The following SH2D4B variants were observed in gnomAD, a reference collection of about 807,000 sequenced individuals.
The protein encoded by SH2D4B is SH2 domain-containing protein 4B.
SH2D4B carries 45 observed loss-of-function variants against 61.5 expected under a neutral mutation model. That is an observed-to-expected ratio of 0.73 (90% CI 0.58 to 0.94). The LOEUF is 0.94. Among genes scored for constraint, SH2D4B ranks in the 40% least tolerant of loss-of-function variants. The pLI is 0.00. For synonymous variants in SH2D4B, 224 were observed against 220.4 expected (o/e 1.02, Z -0.14); for missense variants, 572 against 574.2 (o/e 1.00, Z 0.04).
Position 80,568,679 on chromosome 10 carries a change from G to A in SH2D4B, c.185-1475G>A, listed in dbSNP as rs1162843065. On this transcript the variant is annotated intron_variant, in intron 1 of 7. Transcript: ENST00000646907. Reference sequence around the variant, plus strand: ...CTTTAAAAATCCCATCTCTTGCAATGTCGGTCCTGGTATATGAAGAGATGC... The same window carrying A: ...CTTTAAAAATCCCATCTCTTGCAATATCGGTCCTGGTATATGAAGAGATGC... Among the ~76,000 whole-genome samples, 3 of 152,214 alleles carry A rather than the reference G, an allele frequency of 2.0e-5. No homozygotes were observed. The East Asian group carries it at 5.8e-4, about 29-fold the overall frequency.
intron 6 of SH2D4B, among the ~76,000 whole-genome samples, chr10:80,611,556 G>C (rs11186273): frequency 6.6e-6 from 1 of 151,894 alleles, no homozygotes; most frequent in Non-Finnish European, 1.5e-5. Context: ...ATGTGTCCCT[G>C]TAGCCCCGGT....
chr10:80,633,130 G>A (rs942538946), intron 6 of SH2D4B, among the ~76,000 whole-genome samples: 7 of 151,760 alleles, frequency 4.6e-5, no homozygotes, highest in Non-Finnish European at 1.0e-4. Context: ...CGGCTCGCTC[G>A]GGAGTGGCTT....
chr10:80,640,840 G>A (rs1291647936), intron 7 of SH2D4B, among the ~76,000 whole-genome samples: 1 of 152,186 alleles, frequency 6.6e-6, no homozygotes, highest in East Asian at 1.9e-4. Flanking sequence ...TTGCTGCTGA[G>A]GAGCTGCGAT....
chr10:80,604,650 C>A (rs752045475), intron 5 of SH2D4B, among the ~76,000 whole-genome samples: 13 of 152,120 alleles, frequency 8.5e-5, no homozygotes, highest in Non-Finnish European at 7.3e-5. Flanking sequence ...TTCCCCTCCC[C>A]CCTTCCCACC....
At position 80,643,402 on chromosome 10, in the gene SH2D4B, C is replaced by T. The variant is rs183975189; in HGVS notation, c.1210-591C>T. On this transcript the variant is annotated intron_variant, in intron 7 of 7. Coordinates refer to ENST00000646907, the MANE Select transcript of SH2D4B (RefSeq NM_001388272.1). ...TCATTTCTATTGTTGAGTTCAGCCTCTTTCTTTTATGGTTATAATTTTGCT... is the reference window on the plus strand; with the variant it reads ...TCATTTCTATTGTTGAGTTCAGCCTTTTTCTTTTATGGTTATAATTTTGCT... 5.9e-5 allele frequency among the ~76,000 whole-genome samples: 9 copies of T among 152,048 alleles called. No individual in the cohort carries two copies. In the East Asian group the frequency reaches 1.5e-3, roughly 26 times the overall value.
chr10:80,636,098 T>G (rs1214905037), intron 7 of SH2D4B, among the ~76,000 whole-genome samples: 4 of 152,210 alleles, frequency 2.6e-5, no homozygotes, highest in Non-Finnish European at 5.9e-5. Flanking sequence ...GTTTCCAGCT[T>G]CATCCATGTC....
chr10:80,640,568 A>G (rs979754192), intron 7 of SH2D4B, among the ~76,000 whole-genome samples: 2 of 152,028 alleles, frequency 1.3e-5, no homozygotes, highest in Non-Finnish European at 2.9e-5. Flanking sequence ...CCTTTCTTCC[A>G]CTTGATCAAA....
At chr10:80,615,542 C>T (rs1215458307) in intron 6 of SH2D4B, among the ~76,000 whole-genome samples, 1 of 152,194 alleles carries the variant, frequency 6.6e-6, no homozygotes, top group African/African-American at 2.4e-5. Flanking sequence ...CATTCCTGAC[C>T]TTGGCAATCA....
rs891389309 is a variant in SH2D4B, at chr10:80,646,081, G to A, written c.*1996G>A. ...TGAAAAGGGAGTTTTCTGTATGGCC[G>A]TCACTAGGTTTTTTTGTGGGTTAGT... On this transcript the variant is annotated 3_prime_UTR_variant, in exon 8 of 8. Coordinates refer to ENST00000646907, the MANE Select transcript of SH2D4B (RefSeq NM_001388272.1). 2 of 152,556 alleles carry A rather than the reference G, an allele frequency of 1.3e-5. No homozygotes were observed. The highest frequency in any genetic ancestry group is 2.9e-5 in the Non-Finnish European group (2 of 68,036). The allele number at this position is 152,556 out of a possible 1,614,324, so 9.5% of individuals were successfully genotyped here.
intron 1 of SH2D4B, among the ~76,000 whole-genome samples, chr10:80,563,131 G>A (rs576886477): frequency 3.8e-4 from 57 of 151,990 alleles, no homozygotes; most frequent in Non-Finnish European, 7.1e-4. Flanking sequence ...TCGATCTCCT[G>A]ACCTTGTGAT....
chr10:80,609,523 C>T lies in SH2D4B; in HGVS notation c.960C>T (p.Asn320=). 1.2e-6 allele frequency: 2 copies of T among 1,614,216 alleles called. No individual in the cohort carries two copies. Among genetic ancestry groups the T allele is most frequent in the Non-Finnish European group, 1.7e-6 (2 of 1,180,030 alleles). Reference sequence around the variant, plus strand: ...CTCGCCGAGCTGGCTTCGAGAGGAACACCAAGTTCATCGCCCCCTGGTTCC... The same window carrying T: ...CTCGCCGAGCTGGCTTCGAGAGGAATACCAAGTTCATCGCCCCCTGGTTCC... The part of the protein sequence containing the change: ...QLPRRAGFER[N]TKFIAPWFHG... Residue 320 remains asparagine (N), a synonymous_variant, in exon 6 of 8, where the codon AAC becomes AAT. Transcript: ENST00000646907.
At chr10:80,620,114 A>G (rs1842702271) in intron 6 of SH2D4B, among the ~76,000 whole-genome samples, 2 of 152,216 alleles carry the variant, frequency 1.3e-5, no homozygotes, top group South Asian at 2.1e-4. Flanking sequence ...GTCATTGTGC[A>G]TGGAAGGCTG....
chr10:80,544,009 A>G (rs1159685047), intron 1 of SH2D4B, among the ~76,000 whole-genome samples: 1 of 152,006 alleles, frequency 6.6e-6, no homozygotes, highest in African/African-American at 2.4e-5. Flanking sequence ...GTGGGGCCAG[A>G]TAAGAGAATA....
At chr10:80,615,869 A>G (rs1283541668) in intron 6 of SH2D4B, among the ~76,000 whole-genome samples, 2 of 152,210 alleles carry the variant, frequency 1.3e-5, no homozygotes, top group Non-Finnish European at 2.9e-5. Flanking sequence ...CCCACTACGT[A>G]GTAGTGTTGT....
At chr10:80,592,758 G>T in intron 4 of SH2D4B, among the ~76,000 whole-genome samples, 1 of 141,070 alleles carries the variant, frequency 7.1e-6, no homozygotes. Context: ...CTGTCACCCA[G>T]GCTGGAGTAC....
intron 7 of SH2D4B, among the ~76,000 whole-genome samples, chr10:80,639,691 G>C (rs1475018092): frequency 6.6e-6 from 1 of 152,130 alleles, no homozygotes; most frequent in Non-Finnish European, 1.5e-5. Flanking sequence ...TGTGAGATGG[G>C]TCTCCTGAAT....
rs1337777543 is a variant in SH2D4B at position 80,644,262 on chromosome 10, A to C, written c.*177A>C. ...GGCATAGGGCTACTGGTCTCATCCC[A>C]GCGATCGGGACAGAAATTGCTAATA... On this transcript the variant is annotated 3_prime_UTR_variant, in exon 8 of 8. Coordinates refer to ENST00000646907, the MANE Select transcript of SH2D4B (RefSeq NM_001388272.1). The C allele has an allele frequency of 1.7e-6, 1 of 577,100 alleles. No homozygotes were observed. Among genetic ancestry groups the C allele is most frequent in the African/African-American group, 1.9e-5 (1 of 53,300 alleles). The allele number at this position is 577,100 out of a possible 1,614,324, so 35.7% of individuals were successfully genotyped here. A position where few individuals can be genotyped will look rare whatever the true frequency, so the allele number is the denominator to read the frequency against.
chr10:80,626,145 C>G (rs1483921552), intron 6 of SH2D4B, among the ~76,000 whole-genome samples: 1 of 148,030 alleles, frequency 6.8e-6, no homozygotes, highest in Non-Finnish European at 1.5e-5. Flanking sequence ...GATTTTCTAT[C>G]CAGGATAATT....
At chr10:80,596,632 C>A (rs967735228) in intron 4 of SH2D4B, among the ~76,000 whole-genome samples, 2 of 152,208 alleles carry the variant, frequency 1.3e-5, no homozygotes, top group African/African-American at 4.8e-5. Flanking sequence ...TGGGTTCCGT[C>A]CTGTGGAGTT....
Sources: allele counts gnomAD v4.1 joint callset (sites outside exome capture counted in the v4.1 genomes callset), GRCh38; gene constraint gnomAD v4.1.1; transcripts MANE v1.5; gene names NCBI Gene and HGNC (gene_info 2026-07-23, HGNC 2026-07-21).